Variants in STAU1 observed in about 807,000 individuals in gnomAD.
The protein encoded by STAU1 is staufen double-stranded RNA binding protein 1.
STAU1 carries 13 observed loss-of-function variants against 62.9 expected under a neutral mutation model. The observed-to-expected ratio is 0.21, with a 90% CI of 0.13 to 0.33. STAU1 has a LOEUF of 0.33. Among genes scored for constraint, STAU1 ranks in the 10% least tolerant of loss-of-function variants. STAU1 has a pLI of 1.00. For synonymous variants in STAU1, 269 were observed against 265.1 expected (o/e 1.01, Z -0.14); for missense variants, 571 against 712.1 (o/e 0.80, Z 2.25).
intron 3 of STAU1, among the ~76,000 whole-genome samples, chr20:49,165,718 T>G (rs1454058100): frequency 6.6e-6 from 1 of 152,244 alleles, no homozygotes; most frequent in Non-Finnish European, 1.5e-5. Flanking sequence ...CAATTCTTTC[T>G]GCCAGCCACC....
At chr20:49,211,526 G>A in the STAU1 span, among the ~76,000 whole-genome samples, 3 of 151,394 alleles carry the variant, frequency 2.0e-5, no homozygotes, top group Non-Finnish European at 4.4e-5. Flanking sequence ...TTCTTTTTTG[G>A]AAATGTAGTC....
intron 3 of STAU1, among the ~76,000 whole-genome samples, chr20:49,155,273 A>G (rs1448721430): frequency 6.6e-6 from 1 of 152,200 alleles, no homozygotes; most frequent in Non-Finnish European, 1.5e-5. Context: ...CATTCTTGAC[A>G]TTTCTAATGA....
At chr20:49,187,275 T>C (rs912205910) in intron 1 of STAU1, among the ~76,000 whole-genome samples, 37 of 152,100 alleles carry the variant, frequency 2.4e-4, no homozygotes, top group African/African-American at 8.7e-4. Context: ...TATCCTGCAG[T>C]TGCCTAAGCG....
At chr20:49,184,826 CAT>C (rs2146621972) in intron 1 of STAU1, among the ~76,000 whole-genome samples, 1 of 152,240 alleles carries the variant, frequency 6.6e-6, no homozygotes, top group African/African-American at 2.4e-5. Flanking sequence ...ATAACTAAAA[CAT>C]AACATGTAAC....
chr20:49,146,174 A>C (rs554356310), intron 5 of STAU1, among the ~76,000 whole-genome samples: 1 of 151,890 alleles, frequency 6.6e-6, no homozygotes, highest in South Asian at 2.1e-4. Context: ...GCTGAGGTGG[A>C]AGGACTGCTT....
At chr20:49,136,668 T>C (rs1042223555) in intron 5 of STAU1, among the ~76,000 whole-genome samples, 1 of 152,206 alleles carries the variant, frequency 6.6e-6, no homozygotes, top group Non-Finnish European at 1.5e-5. Flanking sequence ...CACATGAGTA[T>C]GCAGGCTTAT....
upstream of STAU1, among the ~76,000 whole-genome samples, chr20:49,193,030 G>C (rs2146673955): frequency 6.6e-6 from 1 of 152,310 alleles, no homozygotes; most frequent in Non-Finnish European, 1.5e-5. Flanking sequence ...ATCAATGGAA[G>C]AGATATTTCC....
chr20:49,216,911 C>G, the STAU1 span, among the ~76,000 whole-genome samples: 2 of 152,164 alleles, frequency 1.3e-5, no homozygotes, highest in Non-Finnish European at 2.9e-5. Flanking sequence ...CATTGCAAAT[C>G]ATTCTGGGGA....
chr20:49,200,369 C>T, the STAU1 span, among the ~76,000 whole-genome samples: 7 of 152,208 alleles, frequency 4.6e-5, no homozygotes, highest in South Asian at 2.1e-4. Context: ...AAGGCCGACG[C>T]GGGCGGATCA....
At chr20:49,174,967 T>C (rs1438971261) in intron 1 of STAU1, among the ~76,000 whole-genome samples, 1 of 145,858 alleles carries the variant, frequency 6.9e-6, no homozygotes, top group Non-Finnish European at 1.5e-5. Context: ...GAGACCACCC[T>C]GGCCAACATG....
At chr20:49,129,279 AATTTTTTTTTTTTT>A (rs1261149890) in intron 6 of STAU1, among the ~76,000 whole-genome samples, 3 of 101,958 alleles carry the variant, frequency 2.9e-5, no homozygotes, top group African/African-American at 4.4e-5. Context: ...TTTAAAAAAA[AATTTTTTTTTTTTT>A]TTTTTTTTTT....
chr20:49,114,792 T>G lies in STAU1; in HGVS notation c.*86A>C. 7.8e-7 allele frequency: 1 copy of G among 1,284,120 alleles called. No individual in the cohort carries two copies. Among genetic ancestry groups the G allele is most frequent in the Non-Finnish European group, 1.1e-6 (1 of 888,838 alleles). The allele number at this position is 1,284,120 out of a possible 1,614,324, so 79.5% of individuals were successfully genotyped here. The stretch of plus-strand genomic sequence containing the variant: ...ACCGTGTCTCTCGGCCCACTGGAGG[T>G]ATCAGAAATTCCAAATTTTCAAAGC... On this transcript the variant is annotated 3_prime_UTR_variant, in exon 14 of 14. Transcript: ENST00000371856.
chr20:49,157,840 C>T (rs1370834665), intron 3 of STAU1, among the ~76,000 whole-genome samples: 1 of 152,054 alleles, frequency 6.6e-6, no homozygotes, highest in Non-Finnish European at 1.5e-5. Context: ...CTAGGCTGGT[C>T]TTAAACTCCT....
chr20:49,152,107 T>C (rs2093262034), intron 4 of STAU1, among the ~76,000 whole-genome samples: 1 of 152,222 alleles, frequency 6.6e-6, no homozygotes, highest in Non-Finnish European at 1.5e-5. Context: ...TAAATTTGCA[T>C]GTCTCCAATA....
the STAU1 span, among the ~76,000 whole-genome samples, chr20:49,216,153 G>T: frequency 2.0e-5 from 3 of 151,860 alleles, no homozygotes; most frequent in Non-Finnish European, 2.9e-5. Flanking sequence ...TATGCAAGAG[G>T]CTGAGGCTGG....
intron 6 of STAU1, among the ~76,000 whole-genome samples, chr20:49,128,773 CAAAAAAAAAAAA>C (rs34891670): frequency 2.9e-5 from 3 of 102,678 alleles, no homozygotes; most frequent in Non-Finnish European, 5.9e-5. Context: ...CATCCAAATC[CAAAAAAAAAAAA>C]AAAAAAAAGA....
At chr20:49,185,827 T>G (rs1187286852) in intron 1 of STAU1, among the ~76,000 whole-genome samples, 1 of 152,194 alleles carries the variant, frequency 6.6e-6, no homozygotes. Flanking sequence ...GATATGGCAG[T>G]ATTAGACATG....
chr20:49,209,786 T>C, the STAU1 span, among the ~76,000 whole-genome samples: 303 of 152,090 alleles, frequency 2.0e-3, 1 homozygote, highest in African/African-American at 6.9e-3. Context: ...TGGTGGCTCA[T>C]GCCTGTAATC....
intron 6 of STAU1, among the ~76,000 whole-genome samples, chr20:49,126,588 C>CAAAAAAAAAAACA: frequency 7.1e-5 from 4 of 56,364 alleles, no homozygotes; most frequent in Admixed American, 3.7e-4. Context: ...AAAAAAAAAA[C>CAAAAAAAAAAACA]AAAAAAAAAA....
Sources: gnomAD v4.1 joint callset for allele counts (sites outside exome capture counted in the v4.1 genomes callset) on GRCh38, gnomAD v4.1.1 for gene constraint, MANE v1.5 for transcripts, NCBI Gene and HGNC (gene_info 2026-07-23, HGNC 2026-07-21) for gene names.